RALGAPA1: variants seen among roughly 807,000 people sequenced by gnomAD.
The protein encoded by RALGAPA1 is ral GTPase-activating protein subunit alpha-1.
RALGAPA1 carries 52 observed loss-of-function variants against 269.6 expected under a neutral mutation model. The observed-to-expected ratio is 0.19, with a 90% CI of 0.15 to 0.24. RALGAPA1 has a LOEUF of 0.24. Among genes scored for constraint, RALGAPA1 ranks in the 10% least tolerant of loss-of-function variants. The probability of loss-of-function intolerance (pLI) is 1.00; values close to 1 mark genes in which losing one functional copy is unlikely to be tolerated. For missense variants in RALGAPA1, 1,917 were observed against 3,013.9 expected (o/e 0.64, Z 8.52); for synonymous variants, 817 against 1,008.3 (o/e 0.81, Z 3.60).
intron 18 of RALGAPA1, among the ~76,000 whole-genome samples, chr14:35,687,647 T>C (rs1238914742): frequency 6.6e-6 from 1 of 152,186 alleles, no homozygotes; most frequent in Non-Finnish European, 1.5e-5. Flanking sequence ...ATATGTAAAG[T>C]TATTTTAACT....
intron 41 of RALGAPA1, among the ~76,000 whole-genome samples, chr14:35,548,134 T>C (rs2054618061): frequency 6.6e-6 from 1 of 152,076 alleles, no homozygotes; most frequent in Non-Finnish European, 1.5e-5. Flanking sequence ...GAGTTATCAT[T>C]TGATGAGTTA....
At chr14:35,751,934 AGTT>A in intron 8 of RALGAPA1, 87 bp downstream of exon 8, 2 of 1,486,840 alleles carry the variant, frequency 1.3e-6, no homozygotes, top group Non-Finnish European at 1.8e-6. Context: ...AAATATGATC[AGTT>A]TCCTGCAGTA....
At chr14:35,550,455 G>A (rs566759236) in intron 39 of RALGAPA1, among the ~76,000 whole-genome samples, 18 of 151,954 alleles carry the variant, frequency 1.2e-4, no homozygotes, top group Admixed American at 2.6e-4. Flanking sequence ...TTAAAAAAAT[G>A]CAATTTAATT....
rs199724548 is a variant in RALGAPA1 at position 35,548,499 on chromosome 14, T to C, written c.*23+9A>G. Reference sequence around the variant, plus strand: ...AACAGAGGGTGTTTTGGTTGACACTTTGTCTTACCTTCAGATAAACAGAAC... The same window carrying C: ...AACAGAGGGTGTTTTGGTTGACACTCTGTCTTACCTTCAGATAAACAGAAC... On this transcript the variant is annotated intron_variant, in intron 41 of 41. Coordinates refer to ENST00000680220, the MANE Select transcript of RALGAPA1 (RefSeq NM_001346249.2). 1.5e-3 allele frequency: 2,279 copies of C among 1,554,382 alleles called. 6 individuals carry two copies. Among genetic ancestry groups the C allele is most frequent in the Non-Finnish European group, 1.7e-3 (1,936 of 1,149,288 alleles).
chr14:35,790,684 TAAAA>T (rs75409188), intron 1 of RALGAPA1, among the ~76,000 whole-genome samples: 2 of 92,410 alleles, frequency 2.2e-5, no homozygotes, highest in African/African-American at 7.2e-5. Flanking sequence ...AGAGACTGTC[TAAAA>T]AAAAAAAAAA....
At chr14:35,696,222 T>C (rs1403940491) in intron 17 of RALGAPA1, among the ~76,000 whole-genome samples, 1 of 151,810 alleles carries the variant, frequency 6.6e-6, no homozygotes, top group Non-Finnish European at 1.5e-5. Flanking sequence ...ATGTTCAGAA[T>C]TTCCCTGGGC....
intron 11 of RALGAPA1, among the ~76,000 whole-genome samples, chr14:35,738,927 G>A (rs1200667248): frequency 6.6e-6 from 1 of 152,030 alleles, no homozygotes; most frequent in Admixed American, 6.6e-5. Flanking sequence ...TAGGTCTAAT[G>A]TATAAACCTC....
chr14:35,661,075 G>A (rs1161648018), intron 27 of RALGAPA1, among the ~76,000 whole-genome samples: 1 of 152,048 alleles, frequency 6.6e-6, no homozygotes, highest in Non-Finnish European at 1.5e-5. Context: ...AGTGATTACA[G>A]GTACTGGTAC....
chr14:35,762,761 G>T lies in RALGAPA1; in HGVS notation c.326-8C>A, dbSNP rs1026642710. 3 of 1,426,576 alleles carry T rather than the reference G, an allele frequency of 2.1e-6. No homozygotes were observed. Among genetic ancestry groups the T allele is most frequent in the Non-Finnish European group, 9.9e-7 (1 of 1,009,746 alleles). The allele number at this position is 1,426,576 out of a possible 1,614,324, so 88.4% of individuals were successfully genotyped here. ...GCTTCTTTAAAATCAATCCTGAAAA[G>T]AAAATATGATTTTAAATATTCACAT... On this transcript the variant is annotated splice_region_variant and splice_polypyrimidine_tract_variant and intron_variant, in intron 4 of 41. Coordinates refer to ENST00000680220, the MANE Select transcript of RALGAPA1 (RefSeq NM_001346249.2).
intron 21 of RALGAPA1, 66 bp from the exon 22 acceptor site, chr14:35,678,168 T>C: frequency 6.9e-7 from 1 of 1,449,884 alleles, no homozygotes; most frequent in South Asian, 1.3e-5. Context: ...ATGTAATGCT[T>C]AACACCCTAA....
intron 21 of RALGAPA1, among the ~76,000 whole-genome samples, chr14:35,682,784 T>G (rs561536048): frequency 6.6e-6 from 1 of 152,328 alleles, no homozygotes; most frequent in African/African-American, 2.4e-5. Flanking sequence ...CTTTGAGTAA[T>G]TTAAATCCTA....
intron 5 of RALGAPA1, among the ~76,000 whole-genome samples, chr14:35,761,313 C>G (rs1202075738): frequency 6.6e-6 from 1 of 151,994 alleles, no homozygotes; most frequent in African/African-American, 2.4e-5. Context: ...TACTTCCCTC[C>G]TTGCCTACCT....
intron 31 of RALGAPA1, among the ~76,000 whole-genome samples, chr14:35,640,005 T>C (rs1188123186): frequency 6.7e-6 from 1 of 149,270 alleles, no homozygotes; most frequent in Non-Finnish European, 1.5e-5. Flanking sequence ...AATGAAGAGA[T>C]TAAGAAAAAA....
At chr14:35,794,777 T>C (rs1490664494) in intron 1 of RALGAPA1, among the ~76,000 whole-genome samples, 1 of 152,192 alleles carries the variant, frequency 6.6e-6, no homozygotes, top group Non-Finnish European at 1.5e-5. Context: ...TTTTAAGTCA[T>C]TTATTTAATA....
intron 15 of RALGAPA1, 42 bp from the exon 16 acceptor site, chr14:35,721,891 T>C (rs1179492140): frequency 1.3e-6 from 2 of 1,526,354 alleles, no homozygotes; most frequent in Non-Finnish European, 9.1e-7. Flanking sequence ...TGTTACTTGA[T>C]CAATAATATC....
intron 16 of RALGAPA1, chr14:35,707,330 T>C (rs2067897026): frequency 6.6e-6 from 1 of 152,244 alleles, no homozygotes; most frequent in Admixed American, 6.5e-5. Context: ...TATTTCCTTT[T>C]CCTGTCTTAC....
chr14:35,595,589 C>T (rs754059538), intron 37 of RALGAPA1, 45 bp downstream of exon 37: 1 of 1,531,528 alleles, frequency 6.5e-7, no homozygotes, highest in African/African-American at 1.4e-5. Flanking sequence ...TATTAACTGT[C>T]TCAATTATGA....
chr14:35,573,621 T>C (rs191031480), intron 37 of RALGAPA1, among the ~76,000 whole-genome samples: 40 of 152,228 alleles, frequency 2.6e-4, no homozygotes, highest in African/African-American at 9.1e-4. Flanking sequence ...AGGATGAACA[T>C]AGGGTAGGAA....
At position 35,809,081 on chromosome 14, in the gene RALGAPA1, C is replaced by T; in HGVS notation, c.-246G>A. The T allele has an allele frequency of 1.8e-6, 1 of 561,666 alleles. No individual in the cohort carries two copies. The allele number at this position is 561,666 out of a possible 1,614,324, so 34.8% of individuals were successfully genotyped here. ...CCAATATGGCGGATCCCTCTCCCGG[C>T]CCTGCACGGAGCGAGGCAGACCCGG... On this transcript the variant is annotated 5_prime_UTR_variant, in exon 1 of 42. Transcript: ENST00000680220.
Sources: allele counts gnomAD v4.1 joint callset (sites outside exome capture counted in the v4.1 genomes callset), GRCh38; gene constraint gnomAD v4.1.1; transcripts MANE v1.5; gene names NCBI Gene and HGNC (gene_info 2026-07-23, HGNC 2026-07-21).